The following GABRB1 variants were observed in gnomAD, a reference collection of about 807,000 sequenced individuals.
GABRB1 encodes gamma-aminobutyric acid receptor subunit beta-1.
GABRB1 carries 17 observed loss-of-function variants against 51.6 expected under a neutral mutation model. The observed-to-expected ratio is 0.33, with a 90% CI of 0.23 to 0.49. The LOEUF is 0.49. GABRB1 is among the 20% of genes least tolerant of loss of function. The pLI is 0.99. For synonymous variants in GABRB1, 247 were observed against 218.9 expected (o/e 1.13, Z -1.14); for missense variants, 410 against 600.6 (o/e 0.68, Z 3.32).
At chr4:47,417,333 A>G (rs1393598007) in intron 8 of GABRB1, among the ~76,000 whole-genome samples, 2 of 151,816 alleles carry the variant, frequency 1.3e-5, no homozygotes, top group African/African-American at 2.4e-5. Context: ...AGATTTATGT[A>G]CATTTGCACT....
At chr4:47,311,739 A>C (rs1282857955) in intron 4 of GABRB1, among the ~76,000 whole-genome samples, 1 of 152,174 alleles carries the variant, frequency 6.6e-6, no homozygotes, top group Non-Finnish European at 1.5e-5. Context: ...GCAAGAGGAA[A>C]CTAATACTGT....
intron 4 of GABRB1, among the ~76,000 whole-genome samples, chr4:47,216,350 C>G (rs1239426972): frequency 1.3e-5 from 2 of 151,846 alleles, no homozygotes; most frequent in Non-Finnish European, 2.9e-5. Flanking sequence ...TTTTCTACCC[C>G]ATTAGGAAAA....
At chr4:47,043,174 T>C (rs1287078223) in intron 3 of GABRB1, 1 of 152,054 alleles carries the variant, frequency 6.6e-6, no homozygotes, top group African/African-American at 2.4e-5. Context: ...CGACAGAGGT[T>C]AATATTGGCC....
chr4:47,242,886 T>A (rs562567903), intron 4 of GABRB1, among the ~76,000 whole-genome samples: 8 of 152,354 alleles, frequency 5.3e-5, no homozygotes, highest in Non-Finnish European at 1.0e-4. Flanking sequence ...AGCTCTTTAG[T>A]TTAATTAGAT....
chr4:47,077,994 A>ATACATAATATATATATAT (rs1166459272), intron 3 of GABRB1, among the ~76,000 whole-genome samples: 4 of 100,782 alleles, frequency 4.0e-5, no homozygotes, highest in African/African-American at 1.6e-4. Context: ...ATAATATATA[A>ATACATAATATATATATAT]TATATATATA....
At chr4:47,182,126 T>A (rs1718975886) in intron 4 of GABRB1, among the ~76,000 whole-genome samples, 1 of 136,106 alleles carries the variant, frequency 7.3e-6, no homozygotes, top group Non-Finnish European at 1.6e-5. Context: ...GATAACTTTG[T>A]ACCCAAAAGT....
intron 3 of GABRB1, among the ~76,000 whole-genome samples, chr4:47,152,097 G>A (rs1324517880): frequency 4.0e-5 from 6 of 151,816 alleles, no homozygotes; most frequent in Non-Finnish European, 8.8e-5. Context: ...ATGTTTTCAG[G>A]AATTATAGAC....
chr4:47,027,494 A>G (rs1725137770), upstream of GABRB1, among the ~76,000 whole-genome samples: 1 of 151,706 alleles, frequency 6.6e-6, no homozygotes, highest in South Asian at 2.1e-4. Flanking sequence ...ATGCATTTTC[A>G]TATAGCTAAA....
intron 3 of GABRB1, among the ~76,000 whole-genome samples, chr4:47,034,829 A>G (rs115890287): frequency 2.0e-5 from 3 of 152,280 alleles, no homozygotes; most frequent in African/African-American, 4.8e-5. Context: ...TGTTTATTAT[A>G]TGTTGTGATA....
chr4:47,316,547 C>G (rs1724898336), intron 4 of GABRB1, among the ~76,000 whole-genome samples: 1 of 151,790 alleles, frequency 6.6e-6, no homozygotes, highest in Non-Finnish European at 1.5e-5. Context: ...TGAGAATGTC[C>G]TATGCCCCAT....
At chr4:47,134,059 G>C (rs769393614) in intron 3 of GABRB1, among the ~76,000 whole-genome samples, 2 of 152,110 alleles carry the variant, frequency 1.3e-5, no homozygotes, top group Non-Finnish European at 2.9e-5. Flanking sequence ...AAAATGATTA[G>C]AGGGAGACTG....
chr4:46,993,733 G>A (rs1259280625), exon 1 of GABRB1: 2 of 286,398 alleles, frequency 7.0e-6, no homozygotes, highest in African/African-American at 2.2e-5. Flanking sequence ...GCGCGCTTGC[G>A]CTGCAAGACT....
intron 3 of GABRB1, among the ~76,000 whole-genome samples, chr4:47,064,167 T>G (rs1380475052): frequency 6.6e-6 from 1 of 152,174 alleles, no homozygotes; most frequent in African/African-American, 2.4e-5. Flanking sequence ...CTTGAGCTTC[T>G]TTAGTTTCAA....
intron 5 of GABRB1, among the ~76,000 whole-genome samples, chr4:47,351,477 T>G (rs1206786080): frequency 6.6e-6 from 1 of 152,070 alleles, no homozygotes; most frequent in African/African-American, 2.4e-5. Context: ...GTTACATATG[T>G]GTACATGTGC....
intron 3 of GABRB1, among the ~76,000 whole-genome samples, chr4:47,062,979 C>T (rs1726903550): frequency 6.6e-6 from 1 of 152,156 alleles, no homozygotes; most frequent in Non-Finnish European, 1.5e-5. Context: ...ATCCATTCTC[C>T]ATATGGAAGC....
At chr4:47,206,449 C>T (rs139677402) in intron 4 of GABRB1, among the ~76,000 whole-genome samples, 84 of 151,740 alleles carry the variant, frequency 5.5e-4, no homozygotes, top group African/African-American at 1.6e-3. Context: ...ACTGTGTCTC[C>T]GGAAAATGGC....
At chr4:47,335,565 A>G (rs1175063414) in intron 5 of GABRB1, among the ~76,000 whole-genome samples, 1 of 152,178 alleles carries the variant, frequency 6.6e-6, no homozygotes, top group African/African-American at 2.4e-5. Context: ...CAGTATGTAC[A>G]GTTACAATAA....
At chr4:47,114,765 G>A (rs1351461314) in intron 3 of GABRB1, among the ~76,000 whole-genome samples, 1 of 152,098 alleles carries the variant, frequency 6.6e-6, no homozygotes, top group Non-Finnish European at 1.5e-5. Flanking sequence ...AAGGCCCAGT[G>A]CAAAATGAAA....
At position 47,425,742 on chromosome 4, in the gene GABRB1, G is replaced by T. The variant is rs1266504573; in HGVS notation, c.1149G>T (p.Val383=). The T allele has an allele frequency of 6.2e-7, 1 of 1,614,144 alleles. No homozygotes were observed. Among genetic ancestry groups the T allele is most frequent in the Non-Finnish European group, 8.5e-7 (1 of 1,179,990 alleles). The change falls in exon 9 of 9, where the codon GTG becomes GTT. Residue 383 remains valine (V), a synonymous_variant. Transcript: ENST00000295454. Reference sequence around the variant, plus strand: ...GGAATGAGACGAGTGGCTCGGAAGTGCTCACGAGCGTGAGCGACCCCAAGG... The same window carrying T: ...GGAATGAGACGAGTGGCTCGGAAGTTCTCACGAGCGTGAGCGACCCCAAGG... ...EIRNETSGSE[V]LTSVSDPKAT...
Sources: allele counts gnomAD v4.1 joint callset (sites outside exome capture counted in the v4.1 genomes callset), GRCh38; gene constraint gnomAD v4.1.1; transcripts MANE v1.5; gene names NCBI Gene and HGNC (gene_info 2026-07-23, HGNC 2026-07-21).